The following GSK3B variants were observed in gnomAD, a reference collection of about 807,000 sequenced individuals.
GSK3B encodes glycogen synthase kinase 3 beta, also known as glycogen synthase kinase-3 beta.
In GSK3B, 15 loss-of-function variants were observed where a neutral mutation model predicts 56.4. The ratio of observed to expected loss-of-function variants is 0.27; its 90% CI spans 0.18 to 0.41. GSK3B has a LOEUF of 0.41. GSK3B is among the 10% of genes least tolerant of loss of function. The pLI, the probability that GSK3B is intolerant of heterozygous loss-of-function variation, is 1.00. For synonymous variants in GSK3B, 181 were observed against 188.9 expected (o/e 0.96, Z 0.34); for missense variants, 300 against 513.4 (o/e 0.58, Z 4.02).
chr3:119,882,838 G>GT (rs1467662366), intron 7 of GSK3B, among the ~76,000 whole-genome samples: 8 of 151,976 alleles, frequency 5.3e-5, no homozygotes, highest in Admixed American at 2.6e-4. Flanking sequence ...TTCCCCACTG[G>GT]TTAAAAAAAG....
chr3:119,882,297 CAT>C (rs1211500314), intron 7 of GSK3B, among the ~76,000 whole-genome samples: 3 of 151,908 alleles, frequency 2.0e-5, no homozygotes, highest in Admixed American at 6.6e-5. Flanking sequence ...TAAGGTATAC[CAT>C]GTGTGTGTAC....
At chr3:119,954,302 T>TAGAATAGAAACAGAAC (rs1559851402) in intron 2 of GSK3B, among the ~76,000 whole-genome samples, 1 of 96,926 alleles carries the variant, frequency 1.0e-5, no homozygotes, top group African/African-American at 4.0e-5. Flanking sequence ...TAGAATAGAA[T>TAGAATAGAAACAGAAC]AGAAAAGAAA....
At chr3:119,858,982 CA>C (rs1262789548) in intron 9 of GSK3B, among the ~76,000 whole-genome samples, 1 of 151,662 alleles carries the variant, frequency 6.6e-6, no homozygotes, top group African/African-American at 2.4e-5. Flanking sequence ...ATAGTAACAT[CA>C]AAAAAATTAC....
intron 10 of GSK3B, among the ~76,000 whole-genome samples, chr3:119,842,415 AT>A (rs2055785627): frequency 1.3e-5 from 2 of 152,320 alleles, no homozygotes; most frequent in South Asian, 4.1e-4. Context: ...GATTAAAAAA[AT>A]GATTAAATAT....
chr3:119,929,739 C>T (rs1457790552), intron 3 of GSK3B, among the ~76,000 whole-genome samples: 1 of 151,526 alleles, frequency 6.6e-6, no homozygotes, highest in Non-Finnish European at 1.5e-5. Flanking sequence ...CCCGTCTCTA[C>T]TAAAAATACA....
chr3:120,022,243 G>C (rs1375460293), intron 1 of GSK3B, among the ~76,000 whole-genome samples: 1 of 152,158 alleles, frequency 6.6e-6, no homozygotes, highest in Non-Finnish European at 1.5e-5. Context: ...TTCGCTGAAG[G>C]CTCAGATTAT....
At chr3:119,893,595 T>C (rs1435082738) in intron 7 of GSK3B, among the ~76,000 whole-genome samples, 1 of 152,056 alleles carries the variant, frequency 6.6e-6, no homozygotes, top group Non-Finnish European at 1.5e-5. Context: ...AGTAAACAAT[T>C]TGGGTAAAGT....
At chr3:119,915,526 CTTGTGTATA>C (rs1295870896) in intron 5 of GSK3B, among the ~76,000 whole-genome samples, 11 of 151,976 alleles carry the variant, frequency 7.2e-5, no homozygotes, top group Non-Finnish European at 1.6e-4. Flanking sequence ...CACACATGTA[CTTGTGTATA>C]TATGTGTGTG....
intron 2 of GSK3B, among the ~76,000 whole-genome samples, chr3:119,970,378 A>C (rs1007159177): frequency 2.6e-5 from 4 of 152,236 alleles, no homozygotes; most frequent in African/African-American, 9.6e-5. Context: ...AATGCAAATT[A>C]AAACTACAAT....
chr3:120,045,984 G>C (rs754239806), intron 1 of GSK3B, among the ~76,000 whole-genome samples: 3 of 152,064 alleles, frequency 2.0e-5, no homozygotes, highest in Non-Finnish European at 4.4e-5. Context: ...GTCTAAAAAG[G>C]CTACATACTG....
intron 8 of GSK3B, among the ~76,000 whole-genome samples, chr3:119,869,258 T>C (rs921331746): frequency 1.3e-5 from 2 of 149,650 alleles, no homozygotes; most frequent in African/African-American, 4.9e-5. Flanking sequence ...ATATATTCTT[T>C]GGCAGTCTTT....
chr3:119,850,874 A>C lies in GSK3B; in HGVS notation c.1097-7521T>G, dbSNP rs143217502. ...CTTGAGAGTAGGGGGATAAGAACAAAAAGGTCCATAATGAAGTGGGACAGC... is the reference window on the plus strand; with the variant it reads ...CTTGAGAGTAGGGGGATAAGAACAACAAGGTCCATAATGAAGTGGGACAGC... On this transcript the variant is annotated intron_variant, in intron 9 of 10. Coordinates refer to ENST00000264235, the MANE Select transcript of GSK3B (RefSeq NM_001146156.2). Among the ~76,000 whole-genome samples the C allele has an allele frequency of 1.1e-3, 170 of 152,282 alleles. 1 individual carries two copies. Among genetic ancestry groups the C allele is most frequent in the South Asian group, 2.5e-3 (12 of 4,822 alleles).
At chr3:119,908,405 G>A (rs966314491) in intron 6 of GSK3B, among the ~76,000 whole-genome samples, 3 of 152,176 alleles carry the variant, frequency 2.0e-5, no homozygotes, top group Non-Finnish European at 2.9e-5. Flanking sequence ...TGCTCTTGGG[G>A]AGAGTCAAGT....
intron 2 of GSK3B, among the ~76,000 whole-genome samples, chr3:119,962,097 T>C (rs2057277740): frequency 6.6e-6 from 1 of 152,194 alleles, no homozygotes; most frequent in Non-Finnish European, 1.5e-5. Context: ...CCATAACTGC[T>C]GGGCATGGTG....
chr3:120,044,945 CTT>C (rs1409959995), intron 1 of GSK3B, among the ~76,000 whole-genome samples: 1 of 152,188 alleles, frequency 6.6e-6, no homozygotes, highest in Non-Finnish European at 1.5e-5. Flanking sequence ...ATCAACAACT[CTT>C]TTTCAAGATG....
At chr3:119,949,708 A>G (rs1343965732) in intron 2 of GSK3B, among the ~76,000 whole-genome samples, 2 of 147,966 alleles carry the variant, frequency 1.4e-5, no homozygotes, top group African/African-American at 5.1e-5. Flanking sequence ...TCAGAAAAGC[A>G]TTCTATCATT....
At chr3:119,916,229 T>G in intron 4 of GSK3B, 55 bp from the exon 5 acceptor site, 1 of 1,437,532 alleles carries the variant, frequency 7.0e-7, no homozygotes, top group South Asian at 1.2e-5. Flanking sequence ...CAAATCAGAA[T>G]CCTTAAGCAG....
At chr3:120,014,971 C>T (rs1230054302) in intron 1 of GSK3B, among the ~76,000 whole-genome samples, 2 of 152,152 alleles carry the variant, frequency 1.3e-5, no homozygotes, top group African/African-American at 2.4e-5. Context: ...AGAATCATAA[C>T]ATCCCCTTCT....
chr3:120,059,342 A>C (rs1488309984), intron 1 of GSK3B, among the ~76,000 whole-genome samples: 1 of 152,216 alleles, frequency 6.6e-6, no homozygotes, highest in Non-Finnish European at 1.5e-5. Context: ...GTCTAGCAGA[A>C]TGCCTAGCAT....
Sources: allele counts gnomAD v4.1 joint callset (sites outside exome capture counted in the v4.1 genomes callset), GRCh38; gene constraint gnomAD v4.1.1; transcripts MANE v1.5; gene names NCBI Gene and HGNC (gene_info 2026-07-23, HGNC 2026-07-21).